DDX18: variants seen among roughly 807,000 people sequenced by gnomAD.
The protein encoded by DDX18 is DEAD-box helicase 18.
DDX18 carries 23 observed loss-of-function variants against 73.5 expected under a neutral mutation model. The observed-to-expected ratio is 0.31, with a 90% CI of 0.23 to 0.44. DDX18 has a LOEUF of 0.44. DDX18 is among the 20% of genes least tolerant of loss of function. DDX18 has a pLI of 1.00. For missense variants in DDX18, 753 were observed against 792.9 expected (o/e 0.95, Z 0.60); for synonymous variants, 268 against 282.7 (o/e 0.95, Z 0.52).
At chr2:117,827,819 TA>T (rs2104626646) in intron 11 of DDX18, 1 of 152,348 alleles carries the variant, frequency 6.6e-6, no homozygotes, top group East Asian at 1.9e-4. Flanking sequence ...CAGCATGATT[TA>T]TAATCCTTTG....
At position 117,831,209 on chromosome 2, in the gene DDX18, C is replaced by T. The variant is rs1037647497; in HGVS notation, c.*485C>T. 1 of 152,970 alleles carries T rather than the reference C, an allele frequency of 6.5e-6. No homozygotes were observed. The highest frequency in any genetic ancestry group is 1.9e-4 in the East Asian group (1 of 5,212). The allele number at this position is 152,970 out of a possible 1,614,324, so 9.5% of individuals were successfully genotyped here. A position where few individuals can be genotyped will look rare whatever the true frequency, so the allele number is the denominator to read the frequency against. Reference sequence around the variant, plus strand: ...TGGACCTTGACAGTATCTAATGACTCCTCCTGAAAATGCTGCAGTATAAAA... The same window carrying T: ...TGGACCTTGACAGTATCTAATGACTTCTCCTGAAAATGCTGCAGTATAAAA... On this transcript the variant is annotated 3_prime_UTR_variant, in exon 14 of 14. Coordinates refer to ENST00000263239, the MANE Select transcript of DDX18 (RefSeq NM_006773.4).
intron 10 of DDX18, chr2:117,825,938 A>G (rs1439523458): frequency 2.7e-6 from 1 of 373,220 alleles, no homozygotes; most frequent in African/African-American, 2.1e-5. Context: ...ATTGAGAAGT[A>G]TTTTCAACAA....
rs115788328 is a variant in DDX18 at position 117,826,489 on chromosome 2, A to G, written c.1635+107A>G. 5.3e-4 allele frequency: 549 copies of G among 1,027,642 alleles called. 1 individual carries two copies. In the African/African-American group the frequency reaches 7.6e-3, roughly 14 times the overall value. 63.7% of individuals were successfully genotyped at this position (1,027,642 alleles called of 1,614,324 possible). A position where few individuals can be genotyped will look rare whatever the true frequency, so the allele number is the denominator to read the frequency against. ...CTCGAGTCTGGCCAGTGCTGTTACA[A>G]CCATTCTTATGGCAATTAAGCAAGT... is the stretch of plus-strand genomic sequence containing the variant. On this transcript the variant is annotated intron_variant, in intron 11 of 13. Transcript: ENST00000263239.
rs1207350713 is a variant in DDX18 at position 117,819,530 on chromosome 2, G to A, written c.371-119G>A. 4 of 962,834 alleles carry A rather than the reference G, an allele frequency of 4.2e-6. No individual in the cohort carries two copies. The African/African-American group carries it at 5.1e-5, about 12-fold the overall frequency. The allele number at this position is 962,834 out of a possible 1,614,324, so 59.6% of individuals were successfully genotyped here. ...ACAGAATTCTTAACAAATTAATACA[G>A]CATATACTTAGCTTTTGAAAATATA... On this transcript the variant is annotated intron_variant, in intron 2 of 13. Transcript: ENST00000263239.
At position 117,824,901 on chromosome 2, in the gene DDX18, C is replaced by G. The variant is rs777543222; in HGVS notation, c.1207-39C>G. The G allele has an allele frequency of 1.9e-6, 3 of 1,561,612 alleles. 1 individual carries two copies. The highest frequency in any genetic ancestry group is 2.0e-5 in the Admixed American group (1 of 50,476). ...CAAGTTAGGAAATGGAAAATGTCCA[C>G]TTGGTTCATTTGTATCTGTCTGCTT... On this transcript the variant is annotated intron_variant, in intron 8 of 13. Coordinates refer to ENST00000263239, the MANE Select transcript of DDX18 (RefSeq NM_006773.4).
chr2:117,815,652 T>A (rs1024764405), intron 1 of DDX18: 2 of 152,256 alleles, frequency 1.3e-5, no homozygotes, highest in African/African-American at 2.4e-5. Context: ...TTTAGGAATA[T>A]GTTTTGAAAT....
chr2:117,821,587 G>A, intron 4 of DDX18, 63 bp from the exon 5 acceptor site: 1 of 1,554,774 alleles, frequency 6.4e-7, no homozygotes, highest in Non-Finnish European at 8.9e-7. Context: ...TAAGGTGTGT[G>A]TATGTAGTAC....
At chr2:117,823,511 G>T (rs1225676183) in intron 7 of DDX18, among the ~76,000 whole-genome samples, 1 of 152,028 alleles carries the variant, frequency 6.6e-6, no homozygotes, top group African/African-American at 2.4e-5. Context: ...TATTGATCTT[G>T]TATCTAGCAA....
At position 117,830,958 on chromosome 2, in the gene DDX18, G is replaced by T; in HGVS notation, c.*234G>T. On this transcript the variant is annotated 3_prime_UTR_variant, in exon 14 of 14. Transcript: ENST00000263239. ...CCCAAGGGCAGAGCAAGGAATATCT[G>T]GTGTTTCTTGTGATGATAATATTTT... 4.2e-6 allele frequency: 2 copies of T among 479,392 alleles called. No individual in the cohort carries two copies. The highest frequency in any genetic ancestry group is 7.3e-6 in the Non-Finnish European group (2 of 273,352). The allele number at this position is 479,392 out of a possible 1,614,324, so 29.7% of individuals were successfully genotyped here.
chr2:117,828,593 T>G, intron 11 of DDX18: 1 of 200,822 alleles, frequency 5.0e-6, no homozygotes, highest in Non-Finnish European at 1.0e-5. Flanking sequence ...ACTGTGGGGG[T>G]ATTAGGGCCC....
chr2:117,825,639 A>G (rs747483162), intron 10 of DDX18, 40 bp downstream of exon 10: 19 of 1,600,684 alleles, frequency 1.2e-5, no homozygotes, highest in Non-Finnish European at 1.6e-5. Flanking sequence ...ATGACTCTGC[A>G]TTAAAAGTTC....
intron 6 of DDX18, 41 bp from the exon 7 acceptor site, chr2:117,822,106 A>G (rs906159269): frequency 1.2e-6 from 2 of 1,613,660 alleles, no homozygotes; most frequent in African/African-American, 2.7e-5. Context: ...TGAAACATAA[A>G]CTGACAACTA....
chr2:117,826,461 A>C lies in DDX18; in HGVS notation c.1635+79A>C, dbSNP rs1042273348. On this transcript the variant is annotated intron_variant, in intron 11 of 13. Transcript: ENST00000263239. ...GCAACATTTCTACATGTGTCAGAGG[A>C]GTCTCGAGTCTGGCCAGTGCTGTTA... The C allele has an allele frequency of 2.3e-6, 3 of 1,327,456 alleles. No homozygotes were observed. The Admixed American group carries it at 5.8e-5, about 26-fold the overall frequency. The allele number at this position is 1,327,456 out of a possible 1,614,324, so 82.2% of individuals were successfully genotyped here.
chr2:117,818,880 A>G (rs1169315252), intron 2 of DDX18, among the ~76,000 whole-genome samples: 1 of 152,194 alleles, frequency 6.6e-6, no homozygotes, highest in Non-Finnish European at 1.5e-5. Context: ...CATGGAGACC[A>G]GCTGAAGATA....
rs746071506 is a variant in DDX18, at chr2:117,821,966, A to G, written c.856A>G (p.Met286Val). The change falls in exon 6 of 14, where the codon ATG (methionine) becomes GTG (valine). Residue 286 changes from methionine (M) to valine (V), a missense_variant. Met to Val is a conservative substitution (Grantham distance 21). Coordinates refer to ENST00000263239, the MANE Select transcript of DDX18 (RefSeq NM_006773.4). Reference sequence around the variant, plus strand: ...CCACGTGCATACCTATGGCTTGATAATGGGTGGCAGTAACAGATCTGCTGA... The same window carrying G: ...CCACGTGCATACCTATGGCTTGATAGTGGGTGGCAGTAACAGATCTGCTGA... ...THHVHTYGLI[M>V]GGSNRSAEAQ... is the part of the protein sequence containing the mutation. The G allele has an allele frequency of 4.3e-6, 7 of 1,613,962 alleles. No homozygotes were observed. In the South Asian group the frequency reaches 6.6e-5, roughly 15 times the overall value.
chr2:117,821,889 C>T lies in DDX18; in HGVS notation c.779C>T (p.Thr260Ile). 1 of 1,614,036 alleles carries T rather than the reference C, an allele frequency of 6.2e-7. No homozygotes were observed. Among genetic ancestry groups the T allele is most frequent in the Non-Finnish European group, 8.5e-7 (1 of 1,179,938 alleles). ...NGTGVLILSP[T>I]RELAMQTFGV... is the part of the protein sequence containing the mutation. ...ACAGGAGTCCTTATTCTCTCACCTA[C>T]TAGAGAACTAGCCATGCAAACCTTT... The change falls in exon 6 of 14, where the codon ACT becomes ATT. Residue 260 changes from threonine (T) to isoleucine (I), a missense_variant. Coordinates refer to ENST00000263239, the MANE Select transcript of DDX18 (RefSeq NM_006773.4).
chr2:117,826,123 G>T, intron 10 of DDX18, 146 bp from the exon 11 acceptor site: 3 of 430,874 alleles, frequency 7.0e-6, no homozygotes, highest in Non-Finnish European at 1.2e-5. Context: ...GCCCAGCTTT[G>T]TGGGGGTGTG....
In DDX18 at chr2:117,825,096, A is replaced by G; in HGVS notation, c.1363A>G (p.Ile455Val). The change falls in exon 9 of 14, where the codon ATT becomes GTT. Residue 455 changes from isoleucine (I) to valine (V), a missense_variant. Transcript: ENST00000263239. The part of the protein sequence containing the change: ...LNYIDLPVLA[I>V]HGKQKQNKRT... ...CTACATTGATTTGCCCGTCTTGGCC[A>G]TTCATGTAAGTGATGATGATGAGCT... The G allele has an allele frequency of 6.2e-7, 1 of 1,607,956 alleles. No homozygotes were observed. The highest frequency in any genetic ancestry group is 8.5e-7 in the Non-Finnish European group (1 of 1,178,172).
intron 1 of DDX18, 27 bp from the exon 2 acceptor site, chr2:117,817,417 C>T (rs1259686739): frequency 3.3e-6 from 5 of 1,537,182 alleles, no homozygotes; most frequent in Non-Finnish European, 4.4e-6. Flanking sequence ...TTCTTTGTCA[C>T]AGTATATGTT....
Sources: gnomAD v4.1 joint callset for allele counts (sites outside exome capture counted in the v4.1 genomes callset) on GRCh38, gnomAD v4.1.1 for gene constraint, MANE v1.5 for transcripts, NCBI Gene and HGNC (gene_info 2026-07-23, HGNC 2026-07-21) for gene names.